PLCG2: variants seen among roughly 807,000 people sequenced by gnomAD.
PLCG2 encodes the protein phospholipase C gamma 2, also known as 1-phosphatidylinositol 4,5-bisphosphate phosphodiesterase gamma-2.
In PLCG2, 69 loss-of-function variants were observed where a neutral mutation model predicts 175.6. That is an observed-to-expected ratio of 0.39 (90% confidence interval 0.32 to 0.48). PLCG2 has a LOEUF of 0.48. Ranked by LOEUF, PLCG2 falls within the 20% of genes least tolerant of loss-of-function variation. The pLI is 0.91. For missense variants in PLCG2, 1,798 were observed against 1,650.9 expected (o/e 1.09, Z -1.54); for synonymous variants, 827 against 624.0 (o/e 1.33, Z -4.85).
chr16:81,874,508 C>T (rs774788438), intron 7 of PLCG2, among the ~76,000 whole-genome samples: 1 of 152,202 alleles, frequency 6.6e-6, no homozygotes, highest in Non-Finnish European at 1.5e-5. Context: ...ATGCCCATCC[C>T]CTAACCTGTT....
intron 13 of PLCG2, among the ~76,000 whole-genome samples, chr16:81,900,252 A>T (rs188237366): frequency 3.4e-4 from 52 of 152,378 alleles, no homozygotes; most frequent in African/African-American, 1.2e-3. Context: ...GGTGAAGCAC[A>T]CATGGGTGCT....
chr16:81,885,861 A>C (rs4133125), intron 9 of PLCG2, among the ~76,000 whole-genome samples: 28,535 of 152,126 alleles, frequency 0.19, 2,775 homozygotes, highest in Non-Finnish European at 0.21. Context: ...TGTTGTAATC[A>C]TCATGCCTTC....
chr16:81,816,180 G>A (rs1056721581), intron 2 of PLCG2, among the ~76,000 whole-genome samples: 23 of 152,278 alleles, frequency 1.5e-4, no homozygotes, highest in Admixed American at 1.2e-3. Flanking sequence ...AGACCAGCCT[G>A]GCCAATATGG....
chr16:81,831,424 T>C (rs1314799878), intron 2 of PLCG2, among the ~76,000 whole-genome samples: 1 of 152,244 alleles, frequency 6.6e-6, no homozygotes, highest in Non-Finnish European at 1.5e-5. Context: ...TGCCAGGCAC[T>C]GCACTAAGCA....
intron 13 of PLCG2, 34 bp from the exon 14 acceptor site, chr16:81,900,578 C>G: frequency 1.3e-6 from 2 of 1,558,462 alleles, no homozygotes; most frequent in South Asian, 1.2e-5. Context: ...TGTGTGCTCC[C>G]CCTGCCGAGC....
intron 17 of PLCG2, 129 bp downstream of exon 17, chr16:81,908,720 A>T (rs1597124314): frequency 2.6e-6 from 2 of 758,204 alleles, no homozygotes; most frequent in East Asian, 5.6e-5. Flanking sequence ...TCATTTGTCT[A>T]GCTCTTCTAG....
At chr16:81,886,058 C>T (rs552965106) in intron 9 of PLCG2, among the ~76,000 whole-genome samples, 1 of 152,180 alleles carries the variant, frequency 6.6e-6, no homozygotes, top group Non-Finnish European at 1.5e-5. Context: ...CATTATTTTC[C>T]TTCCACTAAA....
intron 2 of PLCG2, among the ~76,000 whole-genome samples, chr16:81,827,701 A>G (rs1266403678): frequency 6.6e-6 from 1 of 152,090 alleles, no homozygotes; most frequent in African/African-American, 2.4e-5. Context: ...GCCTGGTGTA[A>G]AGTGGACAGA....
At chr16:81,783,211 T>G in intron 1 of PLCG2, 1 of 459,190 alleles carries the variant, frequency 2.2e-6, no homozygotes, top group South Asian at 1.6e-5. Context: ...AGTGGGGAAC[T>G]CCAGGATGCA....
chr16:81,798,568 C>T (rs1042638076), intron 2 of PLCG2: 1 of 152,326 alleles, frequency 6.6e-6, no homozygotes, highest in Non-Finnish European at 1.5e-5. Context: ...ACTCCACTGT[C>T]ACAGGGCTGT....
intron 2 of PLCG2, among the ~76,000 whole-genome samples, chr16:81,765,892 G>A (rs555414245): frequency 3.9e-4 from 60 of 152,320 alleles, no homozygotes; most frequent in Admixed American, 1.6e-3. Context: ...TACATACTAG[G>A]AAAGGGCCCT....
chr16:81,930,773 ATTAT>A (rs1302961691), intron 24 of PLCG2, among the ~76,000 whole-genome samples: 19 of 151,030 alleles, frequency 1.3e-4, no homozygotes, highest in Non-Finnish European at 1.8e-4. Context: ...AGCCATTTAA[ATTAT>A]TTATTCTTTA....
chr16:81,962,016 T>G lies in PLCG2; in HGVS notation c.*4018T>G, dbSNP rs1021031929. On this transcript the variant is annotated 3_prime_UTR_variant, in exon 33 of 33. Coordinates refer to ENST00000564138, the MANE Select transcript of PLCG2 (RefSeq NM_002661.5). ...TCTGGCTGGCTAGGTGGGTGTCCCC[T>G]TCCTACCTCACCGCTCCATGTGCGT... The G allele has an allele frequency of 1.6e-5, 3 of 193,286 alleles. No individual in the cohort carries two copies. Among genetic ancestry groups the G allele is most frequent in the Admixed American group, 6.1e-5 (1 of 16,280 alleles). 12.0% of individuals were successfully genotyped at this position (193,286 alleles called of 1,614,324 possible). A position where few individuals can be genotyped will look rare whatever the true frequency, so the allele number is the denominator to read the frequency against.
At chr16:81,803,457 A>G (rs1026354843) in intron 2 of PLCG2, among the ~76,000 whole-genome samples, 1 of 152,118 alleles carries the variant, frequency 6.6e-6, no homozygotes, top group South Asian at 2.1e-4. Context: ...TTATCCATTC[A>G]TCACTTGATG....
intron 2 of PLCG2, among the ~76,000 whole-genome samples, chr16:81,770,956 G>A (rs1370974864): frequency 2.6e-5 from 4 of 151,786 alleles, no homozygotes; most frequent in African/African-American, 7.3e-5. Context: ...TACTCGGGAG[G>A]CTGAGGCAGG....
intron 2 of PLCG2, among the ~76,000 whole-genome samples, chr16:81,763,721 C>A (rs1197200576): frequency 6.6e-6 from 1 of 152,172 alleles, no homozygotes; most frequent in African/African-American, 2.4e-5. Context: ...AATCCCAGCA[C>A]TTTGGGAGGC....
intron 2 of PLCG2, among the ~76,000 whole-genome samples, chr16:81,805,788 T>C (rs1328494684): frequency 6.9e-6 from 1 of 145,344 alleles, no homozygotes; most frequent in Non-Finnish European, 1.5e-5. Context: ...TTTTTGTTTT[T>C]TTTTTTTTTT....
intron 2 of PLCG2, among the ~76,000 whole-genome samples, chr16:81,819,569 G>T (rs753043035): frequency 5.3e-5 from 8 of 152,146 alleles, no homozygotes; most frequent in Admixed American, 6.6e-5. Context: ...TCCCAGCTCA[G>T]TTATTTATGT....
intron 2 of PLCG2, among the ~76,000 whole-genome samples, chr16:81,767,289 C>T (rs1025455627): frequency 1.3e-5 from 2 of 151,888 alleles, no homozygotes; most frequent in South Asian, 2.1e-4. Flanking sequence ...GGGTTACGGG[C>T]GTCTGCCAAC....
Sources: gnomAD v4.1 joint callset for allele counts (sites outside exome capture counted in the v4.1 genomes callset) on GRCh38, gnomAD v4.1.1 for gene constraint, MANE v1.5 for transcripts, NCBI Gene and HGNC (gene_info 2026-07-23, HGNC 2026-07-21) for gene names.